Variants in CCER2 observed in about 807,000 individuals in gnomAD.
The protein encoded by CCER2 is coiled-coil domain-containing glutamate-rich protein 2.
In CCER2, 20 loss-of-function variants were observed where a neutral mutation model predicts 27.1. The ratio of observed to expected loss-of-function variants is 0.74; its 90% CI spans 0.52 to 1.07. CCER2 has a LOEUF of 1.07. CCER2 is among the 50% of genes least tolerant of loss of function. The pLI is 0.00. For synonymous variants in CCER2, 140 were observed against 144.3 expected, an observed-to-expected ratio of 0.97 and a Z score of 0.21; for missense variants, 351 against 344.7, an observed-to-expected ratio of 1.02 and a Z score of -0.14.
At position 38,910,757 on chromosome 19, in the gene CCER2, C is replaced by A. The variant is rs962259071; in HGVS notation, c.517G>T (p.Ala173Ser). The A allele has an allele frequency of 6.5e-7, 1 of 1,534,650 alleles. No homozygotes were observed. The highest frequency in any genetic ancestry group is 1.2e-5 in the South Asian group (1 of 83,862). Residue 173 changes from alanine (A) to serine (S), a missense_variant, in exon 4 of 5, where the codon GCC (alanine) becomes TCC (serine). Ala to Ser is a moderately conservative substitution (Grantham distance 99). Coordinates refer to ENST00000571838, the MANE Select transcript of CCER2 (RefSeq NM_001243212.2). ...AACTGGGCCGTCTCTTTGTCACTGG[C>A]CTTCTCTGCCACCCGCTTCTGGAGG... Reference protein sequence around the residue: ...GDLQKRVAEKASDKETAQFQA... With the variant: ...GDLQKRVAEKSSDKETAQFQA...
At chr19:38,911,172 T>G in intron 3 of CCER2, 89 bp from the exon 4 acceptor site, 1 of 1,301,524 alleles carries the variant, frequency 7.7e-7, no homozygotes, top group East Asian at 2.6e-5. Context: ...CTCAGCACTT[T>G]GGGAGGCCGT....
chr19:38,910,783 T>C lies in CCER2; in HGVS notation c.491A>G (p.Asp164Gly). 6.5e-7 allele frequency: 1 copy of C among 1,534,704 alleles called. No individual in the cohort carries two copies. The highest frequency in any genetic ancestry group is 8.7e-7 in the Non-Finnish European group (1 of 1,146,256). ...LWQRHLENGGDLQKRVAEKAS... is the reference protein window; with the variant it reads ...LWQRHLENGGGLQKRVAEKAS... The stretch of plus-strand genomic sequence containing the variant: ...CTTCTCTGCCACCCGCTTCTGGAGG[T>C]CCCCTCCATTCTCTAGATGCCGCTG... The change falls in exon 4 of 5, where the codon GAC becomes GGC. Residue 164 changes from aspartate (D) to glycine (G), a missense_variant. Asp to Gly is a moderately conservative substitution (Grantham distance 94, BLOSUM62 -1). Coordinates refer to ENST00000571838, the MANE Select transcript of CCER2 (RefSeq NM_001243212.2).
rs1380945853 is a variant in CCER2 at position 38,909,180 on chromosome 19, G to T, written c.*56C>A. The T allele has an allele frequency of 1.3e-6, 2 of 1,498,502 alleles. No individual in the cohort carries two copies. Among genetic ancestry groups the T allele is most frequent in the Non-Finnish European group, 1.8e-6 (2 of 1,113,542 alleles). The allele number at this position is 1,498,502 out of a possible 1,614,324, so 92.8% of individuals were successfully genotyped here. On this transcript the variant is annotated 3_prime_UTR_variant, in exon 5 of 5. Transcript: ENST00000571838. ...TGCTAGGTGAGGTGGAGGCTTCGGGGTCAACAGTCCTAAGCCACAGGGTGT... is the reference window on the plus strand; with the variant it reads ...TGCTAGGTGAGGTGGAGGCTTCGGGTTCAACAGTCCTAAGCCACAGGGTGT...
rs1230761666 is a variant in CCER2 at position 38,909,294 on chromosome 19, C to T, written c.743G>A (p.Arg248Lys). The T allele has an allele frequency of 6.5e-7, 1 of 1,535,544 alleles. No homozygotes were observed. Among genetic ancestry groups the T allele is most frequent in the South Asian group, 1.2e-5 (1 of 84,058 alleles). Residue 248 changes from arginine to lysine, a missense_variant, in exon 5 of 5, where the codon AGA (arginine) becomes AAA (lysine). By Grantham distance (26) the Arg-to-Lys change is conservative. Coordinates refer to ENST00000571838, the MANE Select transcript of CCER2 (RefSeq NM_001243212.2). ...CTCTGTCACCTTCTTCAGTTCGTCTCTCAAGTGCTCCAGCTGCTCCACCTC... is the reference window on the plus strand; with the variant it reads ...CTCTGTCACCTTCTTCAGTTCGTCTTTCAAGTGCTCCAGCTGCTCCACCTC... ...EKEVEQLEHL[R>K]DELKKVTETL...
At position 38,910,741 on chromosome 19, in the gene CCER2, G is replaced by C. The variant is rs967538338; in HGVS notation, c.533C>G (p.Thr178Arg). Residue 178 changes from threonine to arginine, a missense_variant, in exon 4 of 5, where the codon ACG (threonine) becomes AGG (arginine). By Grantham distance (71) the Thr-to-Arg change is moderately conservative. Coordinates refer to ENST00000571838, the MANE Select transcript of CCER2 (RefSeq NM_001243212.2). ...CTTCTCCTCTGCCTGGAACTGGGCC[G>C]TCTCTTTGTCACTGGCCTTCTCTGC... ...RVAEKASDKE[T>R]AQFQAEEKGV... 9 of 1,533,524 alleles carry C rather than the reference G, an allele frequency of 5.9e-6. No homozygotes were observed. The African/African-American group carries it at 1.1e-4, about 19-fold the overall frequency. The allele number at this position is 1,533,524 out of a possible 1,614,324, so 95.0% of individuals were successfully genotyped here.
intron 2 of CCER2, 47 bp downstream of exon 2, chr19:38,911,765 C>A: frequency 6.5e-7 from 1 of 1,531,920 alleles, no homozygotes; most frequent in Non-Finnish European, 8.7e-7. Context: ...GCAGGGAGGG[C>A]AGGGCCCCAG....
rs529725164 is a variant in CCER2 at position 38,910,652 on chromosome 19, T to C, written c.622A>G (p.Arg208Gly). The C allele has an allele frequency of 4.8e-3, 7,307 of 1,531,750 alleles. 26 individuals are homozygous for C. The highest frequency in any genetic ancestry group is 5.9e-3 in the Non-Finnish European group (6,700 of 1,144,596). 94.9% of individuals were successfully genotyped at this position (1,531,750 alleles called of 1,614,324 possible). ...TGGTGGTGGGGCAAGTCCTCGCGCC[T>C]CTCTCCTCCGCCTCTCTCGGCCCCC... is the stretch of plus-strand genomic sequence containing the variant. ...WQGAERGGGE[R>G]REDLPHHHHH... The change falls in exon 4 of 5, where the codon AGG (arginine) becomes GGG (glycine). Residue 208 changes from arginine (R) to glycine (G), a missense_variant. Arg to Gly is a moderately radical substitution (Grantham distance 125). Coordinates refer to ENST00000571838, the MANE Select transcript of CCER2 (RefSeq NM_001243212.2).
intron 3 of CCER2, 46 bp downstream of exon 3, chr19:38,911,520 G>T (rs1472765401): frequency 2.0e-6 from 3 of 1,487,188 alleles, no homozygotes; most frequent in Admixed American, 2.0e-5. Context: ...GTAGGGTAGG[G>T]TCCCATGGGG....
chr19:38,911,908 C>T (rs1974315991), intron 1 of CCER2, 56 bp from the exon 2 acceptor site: 1 of 1,529,304 alleles, frequency 6.5e-7, no homozygotes, highest in Non-Finnish European at 8.7e-7. Context: ...GTCCCCGGTA[C>T]CGACCCCAGC....
Position 38,911,983 on chromosome 19 carries a change from G to A in CCER2, c.61+115C>T, listed in dbSNP as rs141232154. Reference sequence around the variant, plus strand: ...CCACCCGGCGGGTGTACTGTCCCCCGCTGGAGGCTCGGCCCCTGAAGCCTC... The same window carrying A: ...CCACCCGGCGGGTGTACTGTCCCCCACTGGAGGCTCGGCCCCTGAAGCCTC... On this transcript the variant is annotated intron_variant, in intron 1 of 4. Transcript: ENST00000571838. The A allele has an allele frequency of 9.3e-4, 1,360 of 1,470,254 alleles. 16 individuals carry two copies. The African/African-American group carries it at 0.017, about 18-fold the overall frequency. 91.1% of individuals were successfully genotyped at this position (1,470,254 alleles called of 1,614,324 possible).
At chr19:38,911,780 G>C in intron 2 of CCER2, 32 bp downstream of exon 2, 2 of 1,533,266 alleles carry the variant, frequency 1.3e-6, no homozygotes, top group East Asian at 2.4e-5. Context: ...CCCCAGCTAG[G>C]TGAGGCAGGG....
chr19:38,910,490 T>C, intron 4 of CCER2, 73 bp downstream of exon 4: 1 of 1,423,182 alleles, frequency 7.0e-7, no homozygotes, highest in Non-Finnish European at 9.2e-7. Flanking sequence ...TGGCTGTGAG[T>C]TGTGACTCCA....
chr19:38,910,963 T>C lies in CCER2; in HGVS notation c.311A>G (p.Glu104Gly), dbSNP rs1162546734. Residue 104 changes from glutamate to glycine, a missense_variant, in exon 4 of 5, where the codon GAA becomes GGA. Glu to Gly is a moderately conservative substitution (Grantham distance 98, BLOSUM62 -2). Coordinates refer to ENST00000571838, the MANE Select transcript of CCER2 (RefSeq NM_001243212.2). The stretch of plus-strand genomic sequence containing the variant: ...GGTCCTCTCTGCTACCTCCTCCTCT[T>C]CCTCATCCCTCACCTCCTGGCTGGA... The part of the protein sequence containing the change: ...MRSSQEVRDE[E>G]EEEVAERTHK... 3.3e-6 allele frequency: 5 copies of C among 1,519,968 alleles called. No individual in the cohort carries two copies. The Admixed American group carries it at 1.0e-4, about 31-fold the overall frequency. The allele number at this position is 1,519,968 out of a possible 1,614,324, so 94.2% of individuals were successfully genotyped here.
In CCER2 at chr19:38,909,031, G is replaced by T; in HGVS notation, c.*205C>A. 1 of 941,020 alleles carries T rather than the reference G, an allele frequency of 1.1e-6. No homozygotes were observed. Among genetic ancestry groups the T allele is most frequent in the South Asian group, 1.7e-5 (1 of 57,958 alleles). The allele number at this position is 941,020 out of a possible 1,614,324, so 58.3% of individuals were successfully genotyped here. On this transcript the variant is annotated 3_prime_UTR_variant, in exon 5 of 5. Coordinates refer to ENST00000571838, the MANE Select transcript of CCER2 (RefSeq NM_001243212.2). ...AGAAGGGTTGGAGTGGGAGTGCATA[G>T]GTGTGGGGGTGCTTCCTGTGTCAGG...
At chr19:38,911,240 T>C (rs552170462) in intron 3 of CCER2, among the ~76,000 whole-genome samples, 157 bp from the exon 4 acceptor site, 35 of 152,324 alleles carry the variant, frequency 2.3e-4, no homozygotes, top group African/African-American at 8.2e-4. Flanking sequence ...CTTGAGGAGT[T>C]CTGGGCCCTG....
Position 38,911,186 on chromosome 19 carries a change from G to A in CCER2, c.191-103C>T, listed in dbSNP as rs983831250. ...TCTCAGCACTTTGGGAGGCCGTGGCGGCCGATCACCTGAGGTCAGGAGTTT... is the reference window on the plus strand; with the variant it reads ...TCTCAGCACTTTGGGAGGCCGTGGCAGCCGATCACCTGAGGTCAGGAGTTT... On this transcript the variant is annotated intron_variant, in intron 3 of 4. Coordinates refer to ENST00000571838, the MANE Select transcript of CCER2 (RefSeq NM_001243212.2). 47 of 1,208,808 alleles carry A rather than the reference G, an allele frequency of 3.9e-5. No individual in the cohort carries two copies. In the South Asian group the frequency reaches 5.0e-4, roughly 13 times the overall value. 74.9% of individuals were successfully genotyped at this position (1,208,808 alleles called of 1,614,324 possible).
chr19:38,909,146 G>T lies in CCER2; in HGVS notation c.*90C>A. 2 of 1,321,820 alleles carry T rather than the reference G, an allele frequency of 1.5e-6. No homozygotes were observed. Among genetic ancestry groups the T allele is most frequent in the Non-Finnish European group, 2.1e-6 (2 of 958,314 alleles). The allele number at this position is 1,321,820 out of a possible 1,614,324, so 81.9% of individuals were successfully genotyped here. On this transcript the variant is annotated 3_prime_UTR_variant, in exon 5 of 5. Transcript: ENST00000571838. ...CCTCCTCCCCTGTTTGGGTAGGGGTGGCGTGGGGTGCTAGGTGAGGTGGAG... is the reference window on the plus strand; with the variant it reads ...CCTCCTCCCCTGTTTGGGTAGGGGTTGCGTGGGGTGCTAGGTGAGGTGGAG...
intron 4 of CCER2, 118 bp from the exon 5 acceptor site, chr19:38,909,443 C>T (rs781101901): frequency 2.0e-5 from 18 of 912,504 alleles, no homozygotes; most frequent in Admixed American, 1.0e-4. Context: ...TCGTTCTGAT[C>T]GTCGTGGACC....
Position 38,910,781 on chromosome 19 carries a change from G to A in CCER2, c.493C>T (p.Leu165Phe). Reference protein sequence around the residue: ...WQRHLENGGDLQKRVAEKASD... With the variant: ...WQRHLENGGDFQKRVAEKASD... ...GCCTTCTCTGCCACCCGCTTCTGGA[G>A]GTCCCCTCCATTCTCTAGATGCCGC... The change falls in exon 4 of 5, where the codon CTC (leucine) becomes TTC (phenylalanine). Residue 165 changes from leucine to phenylalanine, a missense_variant. Transcript: ENST00000571838. The A allele has an allele frequency of 6.5e-7, 1 of 1,534,940 alleles. No individual in the cohort carries two copies.
Sources: gnomAD v4.1 joint callset for allele counts (sites outside exome capture counted in the v4.1 genomes callset) on GRCh38, gnomAD v4.1.1 for gene constraint, MANE v1.5 for transcripts, NCBI Gene and HGNC (gene_info 2026-07-23, HGNC 2026-07-21) for gene names.